SECISBP2: variants seen among roughly 807,000 people sequenced by gnomAD.
The protein encoded by SECISBP2 is SECIS binding protein 2.
Under a neutral mutation model 98.2 loss-of-function variants are expected in SECISBP2, and 96 were observed. That is an observed-to-expected ratio of 0.98 (90% CI 0.83 to 1.16). SECISBP2 has a LOEUF of 1.16. Ranked by LOEUF, SECISBP2 falls within the 50% of genes most tolerant of loss-of-function variation. The pLI, the probability that SECISBP2 is intolerant of heterozygous loss-of-function variation, is 0.00. For missense variants in SECISBP2, 1,046 were observed against 1,022.9 expected (o/e 1.02, Z -0.31); for synonymous variants, 407 against 370.2 (o/e 1.10, Z -1.14).
At position 89,359,018 on chromosome 9, in the gene SECISBP2, A is replaced by G; in HGVS notation, c.*194A>G. On this transcript the variant is annotated 3_prime_UTR_variant, in exon 17 of 17. Coordinates refer to ENST00000375807, the MANE Select transcript of SECISBP2 (RefSeq NM_024077.5). ...GCGGAGCCTGTTAAAGGTCACTCAG[A>G]TGTGCAGGTGTTAATCTTCTCTAAA... 2 of 597,888 alleles carry G rather than the reference A, an allele frequency of 3.3e-6. No individual in the cohort carries two copies. The highest frequency in any genetic ancestry group is 5.9e-6 in the Non-Finnish European group (2 of 336,174). The allele number at this position is 597,888 out of a possible 1,614,324, so 37.0% of individuals were successfully genotyped here. A position where few individuals can be genotyped will look rare whatever the true frequency, so the allele number is the denominator to read the frequency against.
At chr9:89,323,956 A>G (rs1476102763) in intron 2 of SECISBP2, 1 of 152,116 alleles carries the variant, frequency 6.6e-6, no homozygotes, top group African/African-American at 2.4e-5. Flanking sequence ...CTGGATGAAA[A>G]TTTCCTGGAT....
At chr9:89,341,256 T>C (rs1829611646) in intron 9 of SECISBP2, 91 bp from the exon 10 acceptor site, 22 of 1,296,388 alleles carry the variant, frequency 1.7e-5, no homozygotes. Context: ...GTCTCAATCT[T>C]TTTCATTTTA....
intron 7 of SECISBP2, among the ~76,000 whole-genome samples, chr9:89,335,991 C>T (rs896848922): frequency 2.7e-5 from 4 of 148,514 alleles, no homozygotes; most frequent in East Asian, 2.0e-4. Context: ...TCATGTGGTA[C>T]GTGTCACTAA....
intron 14 of SECISBP2, among the ~76,000 whole-genome samples, chr9:89,354,462 G>A (rs758858481): frequency 2.0e-5 from 3 of 152,294 alleles, no homozygotes; most frequent in South Asian, 2.1e-4. Flanking sequence ...TTAAGAGCCC[G>A]TGGGAAGTGT....
Position 89,334,648 on chromosome 9 carries a change from A to C in SECISBP2, c.1007A>C (p.Asn336Thr), listed in dbSNP as rs1828322801. The change falls in exon 7 of 17, where the codon AAT (asparagine) becomes ACT (threonine). Residue 336 changes from asparagine to threonine, a missense_variant. By Grantham distance (65) the Asn-to-Thr change is moderately conservative (BLOSUM62 0). Transcript: ENST00000375807. ...KTIASSADPK[N>T]VSIPSSEALS... ...ATTGCTTCATCAGCAGATCCTAAAA[A>C]TGTTAGTATACCATCTTCTGAAGCT... 1 of 1,613,998 alleles carries C rather than the reference A, an allele frequency of 6.2e-7. No individual in the cohort carries two copies. Among genetic ancestry groups the C allele is most frequent in the Non-Finnish European group, 8.5e-7 (1 of 1,179,918 alleles).
At chr9:89,341,540 G>T in intron 10 of SECISBP2, 61 bp downstream of exon 10, 1 of 1,594,352 alleles carries the variant, frequency 6.3e-7, no homozygotes. Context: ...AGATTATTAT[G>T]TTACCATTTT....
chr9:89,365,295 G>T, the SECISBP2 span: 1 of 152,374 alleles, frequency 6.6e-6, no homozygotes, highest in Non-Finnish European at 1.5e-5. Flanking sequence ...GGTGGGGCTG[G>T]GGAGGCCGGC....
downstream of SECISBP2, chr9:89,362,318 A>G (rs569985822): frequency 3.7e-6 from 6 of 1,612,468 alleles, no homozygotes; most frequent in African/African-American, 8.0e-5. Flanking sequence ...GTGGGGGACC[A>G]GGCCTTCTCC....
rs145387838 is a variant in SECISBP2, at chr9:89,354,586, G to C, written c.2114-2825G>C. Among the ~76,000 whole-genome samples the C allele has an allele frequency of 2.7e-3, 405 of 152,242 alleles. 1 individual carries two copies. The highest frequency in any genetic ancestry group is 9.4e-3 in the African/African-American group (391 of 41,520). On this transcript the variant is annotated intron_variant, in intron 14 of 16. Transcript: ENST00000375807. ...AGTTCCAGACTCCAGAAGGAAAGCA[G>C]GTGTTCAGCAGAAACCACAGTGTTT...
At position 89,358,796 on chromosome 9, in the gene SECISBP2, C is replaced by A; in HGVS notation, c.2537C>A (p.Thr846Asn). ...CTAGAAGAATCCTTGGAGGCTTCAA[C>A]CTCTCAAATGATGAATTTGAATTTA... ...LELEESLEAS[T>N]SQMMNLNL The change falls in exon 17 of 17, where the codon ACC becomes AAC. Residue 846 changes from threonine to asparagine, a missense_variant. Physicochemically the swap from Thr to Asn is moderately conservative, Grantham distance 65. Transcript: ENST00000375807. 3.1e-6 allele frequency: 5 copies of A among 1,612,710 alleles called. No homozygotes were observed. The highest frequency in any genetic ancestry group is 4.2e-6 in the Non-Finnish European group (5 of 1,178,698).
At chr9:89,342,493 T>G (rs997885975) in intron 10 of SECISBP2, among the ~76,000 whole-genome samples, 10 of 152,174 alleles carry the variant, frequency 6.6e-5, no homozygotes, top group Admixed American at 2.0e-4. Context: ...ATGGCATTAT[T>G]CACAATAACC....
At chr9:89,355,501 C>G (rs751291832) in intron 14 of SECISBP2, 1 of 958,040 alleles carries the variant, frequency 1.0e-6, no homozygotes, top group Non-Finnish European at 1.2e-6. Flanking sequence ...GGGATGTTGA[C>G]CTCTTTTAGA....
chr9:89,344,916 TG>T (rs1306491737), intron 10 of SECISBP2, among the ~76,000 whole-genome samples: 1 of 152,174 alleles, frequency 6.6e-6, no homozygotes, highest in African/African-American at 2.4e-5. Context: ...GGAAAAAATA[TG>T]TATTTACCAG....
chr9:89,334,316 G>A (rs953333368), intron 6 of SECISBP2, among the ~76,000 whole-genome samples: 1 of 152,182 alleles, frequency 6.6e-6, no homozygotes, highest in Admixed American at 6.5e-5. Context: ...AACCTTACAA[G>A]TTAAAAGGGA....
At position 89,328,658 on chromosome 9, in the gene SECISBP2, A is replaced by G. The variant is rs762523740; in HGVS notation, c.575-2A>G. 1 of 1,612,446 alleles carries G rather than the reference A, an allele frequency of 6.2e-7. No homozygotes were observed. The highest frequency in any genetic ancestry group is 1.1e-5 in the South Asian group (1 of 91,046). On this transcript the variant is annotated splice_acceptor_variant, in intron 4 of 16. Coordinates refer to ENST00000375807, the MANE Select transcript of SECISBP2 (RefSeq NM_024077.5). LOFTEE classifies it high-confidence loss of function. ...CTCTTACTTTTAATTTTGTAATTAC[A>G]GATGGTTACCATAAGCGAACAGACA...
chr9:89,363,484 C>G (rs768446379), downstream of SECISBP2: 1 of 1,614,126 alleles, frequency 6.2e-7, no homozygotes, highest in Admixed American at 1.7e-5. Context: ...CCACAGCCCT[C>G]CAGGCAGAGA....
At chr9:89,366,648 C>T in the SECISBP2 span, among the ~76,000 whole-genome samples, 1 of 152,200 alleles carries the variant, frequency 6.6e-6, no homozygotes, top group East Asian at 1.9e-4. Context: ...AAACATATGT[C>T]TCTATGTACA....
intron 9 of SECISBP2, among the ~76,000 whole-genome samples, 181 bp downstream of exon 9, chr9:89,340,134 G>T (rs113515127): frequency 0.029 from 4,387 of 152,110 alleles, 86 homozygotes; most frequent in Middle Eastern, 0.075. Flanking sequence ...TAAATAATAA[G>T]ATTTTATTAT....
intron 6 of SECISBP2, 74 bp from the exon 7 acceptor site, chr9:89,334,448 T>C (rs1828284060): frequency 1.2e-5 from 14 of 1,204,144 alleles, no homozygotes; most frequent in Non-Finnish European, 1.7e-5. Context: ...CCTCATGTAA[T>C]GCATGTTTGA....
Sources: gnomAD v4.1 joint callset for allele counts (sites outside exome capture counted in the v4.1 genomes callset) on GRCh38, gnomAD v4.1.1 for gene constraint, MANE v1.5 for transcripts, NCBI Gene and HGNC (gene_info 2026-07-23, HGNC 2026-07-21) for gene names.